VAT1L: variants seen among roughly 807,000 people sequenced by gnomAD.
The protein encoded by VAT1L is putative NADPH-dependent quinone oxidoreductase VAT1L.
VAT1L carries 34 observed loss-of-function variants against 44.1 expected under a neutral mutation model. The ratio of observed to expected loss-of-function variants is 0.77; its 90% confidence interval spans 0.59 to 1.03. The LOEUF is 1.03. Among genes scored for constraint, VAT1L ranks in the 50% least tolerant of loss-of-function variants. The pLI is 0.00. For missense variants in VAT1L, 615 were observed against 538.8 expected (o/e 1.14, Z -1.40); for synonymous variants, 253 against 202.2 (o/e 1.25, Z -2.13).
intron 1 of VAT1L, among the ~76,000 whole-genome samples, chr16:77,811,435 G>A (rs952615629): frequency 7.2e-5 from 11 of 152,040 alleles, no homozygotes; most frequent in Admixed American, 2.0e-4. Context: ...AATTCCAAAC[G>A]ATAAGCTTTG....
At position 77,958,920 on chromosome 16, in the gene VAT1L, T is replaced by G. The variant is rs1036881764; in HGVS notation, c.1078-12930T>G. Among the ~76,000 whole-genome samples the G allele has an allele frequency of 3.3e-5, 5 of 152,336 alleles. No homozygotes were observed. The East Asian group carries it at 5.8e-4, about 18-fold the overall frequency. ...TCCCACTAGTTATCCTGTTGCCAAGTAGGTACTTCCTTTATAATAGCTGGT... is the reference window on the plus strand; with the variant it reads ...TCCCACTAGTTATCCTGTTGCCAAGGAGGTACTTCCTTTATAATAGCTGGT... On this transcript the variant is annotated intron_variant, in intron 7 of 8. Coordinates refer to ENST00000302536, the MANE Select transcript of VAT1L (RefSeq NM_020927.3).
At position 77,956,584 on chromosome 16, in the gene VAT1L, C is replaced by T. The variant is rs559254509; in HGVS notation, c.1078-15266C>T. ...ACCCAATTTGGGGTTCATCTCTTTC[C>T]TTGAGACTTATCTTCTCCCATTACA... is the stretch of plus-strand genomic sequence containing the variant. On this transcript the variant is annotated intron_variant, in intron 7 of 8. Transcript: ENST00000302536. Among the ~76,000 whole-genome samples the T allele has an allele frequency of 3.9e-5, 6 of 152,288 alleles. No individual in the cohort carries two copies. In the South Asian group the frequency reaches 1.2e-3, roughly 32 times the overall value.
intron 1 of VAT1L, among the ~76,000 whole-genome samples, chr16:77,791,276 T>C (rs2015830397): frequency 6.6e-6 from 1 of 152,222 alleles, no homozygotes; most frequent in African/African-American, 2.4e-5. Context: ...TTATCTGCTC[T>C]CTATTTTTAA....
At chr16:77,885,769 G>A (rs1567498301) in intron 7 of VAT1L, among the ~76,000 whole-genome samples, 1 of 152,006 alleles carries the variant, frequency 6.6e-6, no homozygotes, top group East Asian at 1.9e-4. Context: ...GTGTGCTTCT[G>A]GCAAGAAGGC....
rs184960073 is a variant in VAT1L, at chr16:77,925,996, C to T, written c.1077+41194C>T. 1.8e-3 allele frequency among the ~76,000 whole-genome samples: 270 copies of T among 152,174 alleles called. 2 individuals carry two copies. Among genetic ancestry groups the T allele is most frequent in the African/African-American group, 6.3e-3 (262 of 41,526 alleles). ...TAGGAGTCGGGGCCGGGTGCGGTGG[C>T]TCATACCTGTAATCCTAGCACTTTG... On this transcript the variant is annotated intron_variant, in intron 7 of 8. Transcript: ENST00000302536.
intron 7 of VAT1L, among the ~76,000 whole-genome samples, chr16:77,897,809 G>A (rs2017340009): frequency 6.6e-6 from 1 of 152,136 alleles, no homozygotes; most frequent in Non-Finnish European, 1.5e-5. Flanking sequence ...ACTTCCTAGT[G>A]GTTTGTCCTG....
chr16:77,889,375 T>C (rs1348386199), intron 7 of VAT1L, among the ~76,000 whole-genome samples: 1 of 152,182 alleles, frequency 6.6e-6, no homozygotes, highest in African/African-American at 2.4e-5. Flanking sequence ...CAGCTGTACG[T>C]TAAGTTGGAA....
chr16:77,810,671 A>G (rs943993976), intron 1 of VAT1L, among the ~76,000 whole-genome samples: 3 of 152,106 alleles, frequency 2.0e-5, no homozygotes, highest in Non-Finnish European at 4.4e-5. Flanking sequence ...CTCTATCTCA[A>G]AAACAACAAC....
intron 6 of VAT1L, among the ~76,000 whole-genome samples, chr16:77,880,374 G>T (rs2017138180): frequency 6.6e-6 from 1 of 151,914 alleles, no homozygotes; most frequent in Non-Finnish European, 1.5e-5. Context: ...TACCCAGGCT[G>T]GTTTTGAATT....
At chr16:77,962,763 G>GGAAGGAAGGAAGGAAGGAAC (rs1555523127) in intron 7 of VAT1L, among the ~76,000 whole-genome samples, 2 of 151,426 alleles carry the variant, frequency 1.3e-5, no homozygotes, top group African/African-American at 2.4e-5. Flanking sequence ...AAGGAAGGAA[G>GGAAGGAAGGAAGGAAGGAAC]GAAGGAAGGA....
At chr16:77,818,221 A>G (rs2016388767) in intron 2 of VAT1L, among the ~76,000 whole-genome samples, 2 of 152,188 alleles carry the variant, frequency 1.3e-5, no homozygotes, top group South Asian at 4.1e-4. Context: ...ATTGAATTTG[A>G]GCCTGCTTCT....
intron 7 of VAT1L, among the ~76,000 whole-genome samples, chr16:77,952,855 T>TAAAAAAAA (rs61033802): frequency 0.012 from 1,091 of 92,122 alleles, 52 homozygotes; most frequent in African/African-American, 0.036. Context: ...AGACTCCATT[T>TAAAAAAAA]AAAAAAAAAA....
At chr16:77,826,333 G>A (rs111712796) in intron 3 of VAT1L, among the ~76,000 whole-genome samples, 255 of 152,264 alleles carry the variant, frequency 1.7e-3, no homozygotes, top group Middle Eastern at 6.8e-3. Context: ...ATGACAAAAT[G>A]GTCATTTTGT....
rs139046155 is a variant in VAT1L, at chr16:77,790,640, T to C, written c.233+1725T>C. On this transcript the variant is annotated intron_variant, in intron 1 of 8. Coordinates refer to ENST00000302536, the MANE Select transcript of VAT1L (RefSeq NM_020927.3). ...ACACACCTATGCATATATGTGCATA[T>C]ACATATATACAATTATATATACAGT... Among the ~76,000 whole-genome samples, 1,225 of 152,316 alleles carry C rather than the reference T, an allele frequency of 8.0e-3. 17 individuals carry two copies. The highest frequency in any genetic ancestry group is 0.028 in the African/African-American group (1,171 of 41,572).
chr16:77,915,606 G>A (rs536156556), intron 7 of VAT1L, among the ~76,000 whole-genome samples: 1 of 152,302 alleles, frequency 6.6e-6, no homozygotes, highest in East Asian at 1.9e-4. Flanking sequence ...TGAAGGAAGT[G>A]CATGGGTTAA....
At chr16:77,929,776 A>C (rs1286526091) in intron 7 of VAT1L, among the ~76,000 whole-genome samples, 1 of 152,196 alleles carries the variant, frequency 6.6e-6, no homozygotes, top group Non-Finnish European at 1.5e-5. Flanking sequence ...TTTACAGGTT[A>C]AGCAAACTGT....
intron 6 of VAT1L, among the ~76,000 whole-genome samples, chr16:77,881,475 G>A (rs531497892): frequency 6.6e-6 from 1 of 152,316 alleles, no homozygotes; most frequent in African/African-American, 2.4e-5. Context: ...ATAGAAAATA[G>A]CAGGGTGGGT....
chr16:77,828,248 C>A (rs1459227916), intron 3 of VAT1L, among the ~76,000 whole-genome samples: 4 of 152,166 alleles, frequency 2.6e-5, no homozygotes, highest in Non-Finnish European at 5.9e-5. Flanking sequence ...GTCCCTGGTA[C>A]CTGTATGTTG....
At chr16:77,967,686 A>T (rs1259998966) in intron 7 of VAT1L, among the ~76,000 whole-genome samples, 3 of 152,210 alleles carry the variant, frequency 2.0e-5, no homozygotes, top group African/African-American at 7.2e-5. Context: ...CTAGCATCAC[A>T]ATAAGCTTTA....
Sources: gnomAD v4.1 joint callset for allele counts (sites outside exome capture counted in the v4.1 genomes callset) on GRCh38, gnomAD v4.1.1 for gene constraint, MANE v1.5 for transcripts, NCBI Gene and HGNC (gene_info 2026-07-23, HGNC 2026-07-21) for gene names.